The following ZMYM2 variants were observed in gnomAD, a reference collection of about 807,000 sequenced individuals.
The protein encoded by ZMYM2 is zinc finger MYM-type containing 2, also known as zinc finger MYM-type protein 2.
In ZMYM2, 56 loss-of-function variants were observed where a neutral mutation model predicts 162.8. The ratio of observed to expected loss-of-function variants is 0.34; its 90% CI spans 0.28 to 0.43. ZMYM2 has a LOEUF of 0.43. ZMYM2 is among the 20% of genes least tolerant of loss of function. ZMYM2 has a pLI of 1.00. For missense variants in ZMYM2, 1,275 were observed against 1,621.8 expected, an observed-to-expected ratio of 0.79 and a Z score of 3.67; for synonymous variants, 510 against 541.6, an observed-to-expected ratio of 0.94 and a Z score of 0.81.
chr13:20,050,788 G>C (rs983926989), intron 12 of ZMYM2, among the ~76,000 whole-genome samples: 2 of 152,030 alleles, frequency 1.3e-5, no homozygotes, highest in African/African-American at 4.8e-5. Context: ...TGCAAGTTAA[G>C]TTGTGGACCC....
At chr13:20,059,321 A>T in intron 15 of ZMYM2, 126 bp from the exon 16 acceptor site, 1 of 880,598 alleles carries the variant, frequency 1.1e-6, no homozygotes, top group Non-Finnish European at 1.5e-6. Flanking sequence ...ACTTAAAAAA[A>T]CTGGGAATTA....
At chr13:20,063,386 G>T (rs551205158) in intron 18 of ZMYM2, among the ~76,000 whole-genome samples, 3 of 137,200 alleles carry the variant, frequency 2.2e-5, no homozygotes, top group African/African-American at 5.5e-5. Context: ...TTGGGCAGCA[G>T]AGTGAGACCC....
chr13:19,891,095 A>G, the ZMYM2 span, among the ~76,000 whole-genome samples: 1 of 151,946 alleles, frequency 6.6e-6, no homozygotes, highest in Non-Finnish European at 1.5e-5. Context: ...CTGACACCCA[A>G]TGTGACTTTA....
chr13:19,908,349 G>A, the ZMYM2 span, among the ~76,000 whole-genome samples: 1 of 151,624 alleles, frequency 6.6e-6, no homozygotes, highest in Non-Finnish European at 1.5e-5. Flanking sequence ...GTGCAGTGGA[G>A]TCCCTCTTAC....
the ZMYM2 span, among the ~76,000 whole-genome samples, chr13:19,936,683 C>T: frequency 1.3e-5 from 2 of 152,106 alleles, no homozygotes; most frequent in Non-Finnish European, 2.9e-5. Flanking sequence ...GATCACACCA[C>T]TGCACTCCAG....
At chr13:19,960,155 A>T (rs1955038205) in intron 2 of ZMYM2, 129 bp downstream of exon 2, 2 of 152,304 alleles carry the variant, frequency 1.3e-5, no homozygotes, top group African/African-American at 4.8e-5. Context: ...AGCTGCCCCC[A>T]GGGCGAAGCC....
At position 20,045,049 on chromosome 13, in the gene ZMYM2, C is replaced by CAA. The variant is rs933854935; in HGVS notation, c.2293-6362_2293-6361dup. Among the ~76,000 whole-genome samples the CAA allele has an allele frequency of 2.4e-3, 111 of 47,104 alleles. 3 individuals are homozygous for CAA. Among genetic ancestry groups the CAA allele is most frequent in the Admixed American group, 2.9e-3 (12 of 4,128 alleles). The allele number at this position is 47,104 out of a possible 152,430, so 30.9% of individuals were successfully genotyped here. On this transcript the variant is annotated intron_variant, in intron 12 of 24. Coordinates refer to ENST00000610343, the MANE Select transcript of ZMYM2 (RefSeq NM_197968.4). Reference sequence around the variant, plus strand: ...CGGGCGACAGAGCAAGACTCTGTGTCAAAAAAAAAAAAAAAAAAAAAAAGC... The same window carrying CAA: ...CGGGCGACAGAGCAAGACTCTGTGTCAAAAAAAAAAAAAAAAAAAAAAAAAGC...
chr13:20,011,041 T>G (rs1166564715), intron 6 of ZMYM2, among the ~76,000 whole-genome samples: 1 of 152,214 alleles, frequency 6.6e-6, no homozygotes, highest in Non-Finnish European at 1.5e-5. Flanking sequence ...ATCAGGGTAA[T>G]TAGGATAGCC....
At chr13:20,006,648 CT>C (rs1950768521) in intron 6 of ZMYM2, 62 bp downstream of exon 6, 2 of 1,491,198 alleles carry the variant, frequency 1.3e-6, no homozygotes, top group Admixed American at 1.9e-5. Flanking sequence ...TGTTGTAATA[CT>C]TTTACTCTAA....
upstream of ZMYM2, among the ~76,000 whole-genome samples, chr13:19,957,567 TGTC>T (rs930240955): frequency 5.3e-5 from 8 of 152,206 alleles, no homozygotes; most frequent in African/African-American, 1.7e-4. Context: ...CTCGGGCGCC[TGTC>T]GTCGTCTGTC....
intron 12 of ZMYM2, among the ~76,000 whole-genome samples, chr13:20,043,801 C>T (rs915518194): frequency 1.3e-5 from 2 of 152,036 alleles, no homozygotes; most frequent in African/African-American, 4.8e-5. Flanking sequence ...CCTGCCTGCA[C>T]ATGGCAAAGG....
intron 6 of ZMYM2, among the ~76,000 whole-genome samples, chr13:20,008,134 T>G (rs538299135): frequency 6.6e-6 from 1 of 152,228 alleles, no homozygotes; most frequent in South Asian, 2.1e-4. Flanking sequence ...TGTTGTTGTT[T>G]TTTGTTTTGT....
chr13:20,013,092 G>A (rs1951333514), intron 6 of ZMYM2, among the ~76,000 whole-genome samples: 1 of 151,996 alleles, frequency 6.6e-6, no homozygotes, highest in South Asian at 2.1e-4. Flanking sequence ...TGTGAAAATG[G>A]CATTTATTTA....
intron 6 of ZMYM2, among the ~76,000 whole-genome samples, chr13:20,016,502 A>G (rs1951640348): frequency 6.6e-6 from 1 of 151,778 alleles, no homozygotes. Flanking sequence ...AAAAGCTTTG[A>G]CTCCTTTTAG....
At chr13:20,082,630 G>T in intron 22 of ZMYM2, 151 bp from the exon 23 acceptor site, 1 of 677,268 alleles carries the variant, frequency 1.5e-6, no homozygotes, top group East Asian at 2.9e-5. Context: ...TTAAAGAGCT[G>T]CATAGGTAAT....
At chr13:19,881,507 A>G in the ZMYM2 span, among the ~76,000 whole-genome samples, 1 of 152,074 alleles carries the variant, frequency 6.6e-6, no homozygotes, top group South Asian at 2.1e-4. Flanking sequence ...CTGTAATCCC[A>G]GCTACTCGAG....
intron 5 of ZMYM2, 56 bp from the exon 6 acceptor site, chr13:20,006,318 T>C (rs1950745901): frequency 7.5e-6 from 11 of 1,475,400 alleles, no homozygotes; most frequent in Non-Finnish European, 9.1e-6. Flanking sequence ...TGCTTTATTA[T>C]TTAGCTACTT....
rs1400079343 is a variant in ZMYM2, at chr13:20,067,029, T to C, written c.3301+10T>C. The C allele has an allele frequency of 6.3e-7, 1 of 1,586,074 alleles. No individual in the cohort carries two copies. The highest frequency in any genetic ancestry group is 1.2e-5 in the South Asian group (1 of 85,240). ...GATGAGTTAAAATCTTGTAAGTGTT[T>C]TAATTTTGTTTCTCCTAAGTCCTAT... On this transcript the variant is annotated intron_variant, in intron 20 of 24. Coordinates refer to ENST00000610343, the MANE Select transcript of ZMYM2 (RefSeq NM_197968.4).
rs1950644506 is a variant in ZMYM2, at chr13:20,005,078, A to G, written c.1138A>G (p.Ile380Val). The change falls in exon 5 of 25, where the codon ATA (isoleucine) becomes GTA (valine). Residue 380 changes from isoleucine (I) to valine (V), a missense_variant. This residue lies in a region of ZMYM2 where 115 missense variants were observed against 175.3 expected (regional missense o/e 0.66). Coordinates refer to ENST00000610343, the MANE Select transcript of ZMYM2 (RefSeq NM_197968.4). ...KKLCVMCKKD[I>V]TTMKGTIVAQ... ...TATGTACCACTTATTTTTCAGAGAT[A>G]TAACTACAATGAAAGGAACCATTGT... 6.2e-7 allele frequency: 1 copy of G among 1,601,376 alleles called. No individual in the cohort carries two copies. Among genetic ancestry groups the G allele is most frequent in the Non-Finnish European group, 8.5e-7 (1 of 1,176,052 alleles).
Sources: gnomAD v4.1 joint callset for allele counts (sites outside exome capture counted in the v4.1 genomes callset) on GRCh38, gnomAD v4.1.1 for gene constraint, gnomAD v4.1.1 regional missense constraint, MANE v1.5 for transcripts, NCBI Gene and HGNC (gene_info 2026-07-23, HGNC 2026-07-21) for gene names.